The following ARMH3 variants were observed in gnomAD, a reference collection of about 807,000 sequenced individuals.
The protein encoded by ARMH3 is armadillo like helical domain containing 3.
A neutral mutation model predicts 99.1 loss-of-function variants in ARMH3; 60 were observed. That is an observed-to-expected ratio of 0.61 (90% confidence interval 0.49 to 0.75). ARMH3 has a LOEUF of 0.75. Among genes scored for constraint, ARMH3 ranks in the 30% least tolerant of loss-of-function variants. The pLI, the probability that ARMH3 is intolerant of heterozygous loss-of-function variation, is 0.00. For missense variants in ARMH3, 679 were observed against 843.1 expected (o/e 0.81, Z 2.41); for synonymous variants, 285 against 292.8 (o/e 0.97, Z 0.27).
At chr10:101,982,713 T>A (rs1401230531) in intron 19 of ARMH3, among the ~76,000 whole-genome samples, 1 of 152,112 alleles carries the variant, frequency 6.6e-6, no homozygotes. Flanking sequence ...TATTGTGAAC[T>A]GCGCATGCAA....
chr10:102,008,923 A>T (rs1033990644), intron 13 of ARMH3, among the ~76,000 whole-genome samples: 12 of 152,158 alleles, frequency 7.9e-5, no homozygotes, highest in African/African-American at 2.9e-4. Context: ...ATCTGTTAAC[A>T]GCTAACCTTA....
At chr10:102,020,683 G>GAA (rs897977927) in intron 8 of ARMH3, among the ~76,000 whole-genome samples, 9 of 87,532 alleles carry the variant, frequency 1.0e-4, no homozygotes, top group Admixed American at 3.9e-4. Context: ...CTCCATCTCA[G>GAA]AAAAAAAAAA....
rs567409037 is a variant in ARMH3 at position 102,030,558 on chromosome 10, A to C, written c.307-813T>G. ...ACCCAGTCTCTATTAAAAATACAAA[A>C]AATTAGCCAAGTGTGGAGGCAGATG... On this transcript the variant is annotated intron_variant, in intron 4 of 25. Coordinates refer to ENST00000370033, the MANE Select transcript of ARMH3 (RefSeq NM_024541.3). Among the ~76,000 whole-genome samples the C allele has an allele frequency of 2.0e-5, 3 of 152,078 alleles. No homozygotes were observed. The South Asian group carries it at 6.2e-4, about 32-fold the overall frequency.
intron 2 of ARMH3, among the ~76,000 whole-genome samples, chr10:102,037,704 G>C (rs540989341): frequency 6.6e-6 from 1 of 152,088 alleles, no homozygotes; most frequent in East Asian, 1.9e-4. Flanking sequence ...TCCTATAGTA[G>C]CTAGGAGTAG....
chr10:101,924,033 CAG>C (rs1249797229), intron 23 of ARMH3, among the ~76,000 whole-genome samples: 1 of 152,076 alleles, frequency 6.6e-6, no homozygotes, highest in African/African-American at 2.4e-5. Flanking sequence ...AAATCAGTAG[CAG>C]AGTCAGGAAT....
intron 24 of ARMH3, among the ~76,000 whole-genome samples, chr10:101,869,008 G>C (rs1244809493): frequency 6.6e-6 from 1 of 150,896 alleles, no homozygotes; most frequent in African/African-American, 2.4e-5. Flanking sequence ...GGAGGCAGAG[G>C]TTGCAGTGAG....
intron 20 of ARMH3, 65 bp downstream of exon 20, chr10:101,975,147 A>G (rs1007409897): frequency 3.1e-6 from 4 of 1,286,176 alleles, no homozygotes; most frequent in Non-Finnish European, 4.3e-6. Flanking sequence ...ATCCACCTTG[A>G]GCCCAGGCCT....
At chr10:102,014,225 T>C (rs1024820627) in intron 8 of ARMH3, among the ~76,000 whole-genome samples, 32 of 152,206 alleles carry the variant, frequency 2.1e-4, no homozygotes, top group African/African-American at 7.5e-4. Context: ...ATTCATCAAG[T>C]GTACACACAA....
intron 22 of ARMH3, among the ~76,000 whole-genome samples, chr10:101,951,718 A>G (rs536885465): frequency 1.3e-5 from 2 of 152,172 alleles, no homozygotes; most frequent in African/African-American, 4.8e-5. Context: ...AACAAAAAAA[A>G]TTAGCCAGGT....
chr10:102,015,997 T>G (rs2066742084), intron 8 of ARMH3, among the ~76,000 whole-genome samples: 1 of 152,070 alleles, frequency 6.6e-6, no homozygotes, highest in Admixed American at 6.6e-5. Flanking sequence ...TAGCCAGGCA[T>G]AGTGGCACAC....
chr10:102,009,917 A>T, intron 12 of ARMH3, 60 bp downstream of exon 12: 2 of 1,487,490 alleles, frequency 1.3e-6, no homozygotes, highest in South Asian at 2.3e-5. Flanking sequence ...ACACTCTCAT[A>T]TCCAGCAGGA....
intron 6 of ARMH3, 37 bp downstream of exon 6, chr10:102,025,117 CCT>C: frequency 6.6e-7 from 1 of 1,513,588 alleles, no homozygotes; most frequent in Non-Finnish European, 9.2e-7. Flanking sequence ...GATTGCCCCT[CCT>C]GTCAATTAAT....
intron 1 of ARMH3, among the ~76,000 whole-genome samples, chr10:102,050,304 C>T (rs1370485990): frequency 1.3e-5 from 2 of 151,198 alleles, no homozygotes; most frequent in African/African-American, 4.9e-5. Flanking sequence ...CAAAAATTAG[C>T]CAGGCGTGGT....
At chr10:101,863,002 G>A (rs1054030744) in intron 24 of ARMH3, among the ~76,000 whole-genome samples, 1 of 152,016 alleles carries the variant, frequency 6.6e-6, no homozygotes, top group Non-Finnish European at 1.5e-5. Context: ...TCGGGAGTTC[G>A]AGACCAGCCT....
intron 20 of ARMH3, among the ~76,000 whole-genome samples, chr10:101,968,623 A>G (rs923808623): frequency 5.3e-5 from 8 of 152,196 alleles, no homozygotes; most frequent in African/African-American, 1.7e-4. Flanking sequence ...AAAAGAACAA[A>G]GTGATTTCTT....
chr10:101,970,729 G>A (rs1467031182), intron 20 of ARMH3, among the ~76,000 whole-genome samples: 2 of 150,728 alleles, frequency 1.3e-5, no homozygotes, highest in East Asian at 1.9e-4. Context: ...GGCGGCTGAG[G>A]TGGGAGGATC....
chr10:101,892,802 C>T (rs942278505), intron 23 of ARMH3, among the ~76,000 whole-genome samples: 2 of 152,146 alleles, frequency 1.3e-5, no homozygotes, highest in Middle Eastern at 3.2e-3. Context: ...AAACATCTAA[C>T]CCAATGCCTG....
chr10:101,863,840 A>G (rs1040572260), intron 24 of ARMH3, among the ~76,000 whole-genome samples: 1 of 152,096 alleles, frequency 6.6e-6, no homozygotes, highest in African/African-American at 2.4e-5. Flanking sequence ...AAGAGGTTGT[A>G]TCACAAGGTC....
chr10:102,019,240 G>C (rs2066821623), intron 8 of ARMH3, among the ~76,000 whole-genome samples: 2 of 151,972 alleles, frequency 1.3e-5, no homozygotes, highest in South Asian at 2.1e-4. Flanking sequence ...GTAGAGATCG[G>C]GTTTTGCCAT....
Sources: gnomAD v4.1 joint callset for allele counts (sites outside exome capture counted in the v4.1 genomes callset) on GRCh38, gnomAD v4.1.1 for gene constraint, MANE v1.5 for transcripts, NCBI Gene and HGNC (gene_info 2026-07-23, HGNC 2026-07-21) for gene names.